ELSPBP1: variants seen among roughly 807,000 people sequenced by gnomAD.
The protein encoded by ELSPBP1 is epididymal sperm binding protein 1, also known as epididymal sperm-binding protein 1.
A neutral mutation model predicts 33.3 loss-of-function variants in ELSPBP1; 38 were observed. The observed-to-expected ratio is 1.14, with a 90% CI of 0.88 to 1.50. The LOEUF is 1.50. Ranked by LOEUF, ELSPBP1 falls within the 40% of genes most tolerant of loss-of-function variation. The probability of loss-of-function intolerance (pLI) is 0.00; values close to 1 mark genes in which losing one functional copy is unlikely to be tolerated. For synonymous variants in ELSPBP1, 85 were observed against 94.1 expected (o/e 0.90, Z 0.56); for missense variants, 267 against 263.5 (o/e 1.01, Z -0.09).
At chr19:48,009,457 G>C (rs1352213046) in intron 2 of ELSPBP1, among the ~76,000 whole-genome samples, 1 of 152,082 alleles carries the variant, frequency 6.6e-6, no homozygotes, top group Non-Finnish European at 1.5e-5. Flanking sequence ...ACCACTAAAA[G>C]ACTGTAAGGT....
chr19:47,998,056 G>A (rs752566757), intron 1 of ELSPBP1, among the ~76,000 whole-genome samples: 2 of 152,164 alleles, frequency 1.3e-5, no homozygotes, highest in Non-Finnish European at 2.9e-5. Flanking sequence ...AGGTTTGCTA[G>A]TGTCACCATC....
intron 3 of ELSPBP1, among the ~76,000 whole-genome samples, chr19:48,015,498 A>G (rs1012158206): frequency 8.5e-5 from 13 of 152,130 alleles, no homozygotes; most frequent in African/African-American, 3.1e-4. Context: ...TCTACTAAAA[A>G]TTAAAAAAAA....
At chr19:48,007,352 T>A (rs1253186347) in intron 1 of ELSPBP1, among the ~76,000 whole-genome samples, 3 of 152,248 alleles carry the variant, frequency 2.0e-5, no homozygotes, top group East Asian at 3.9e-4. Flanking sequence ...GTAAGTTACT[T>A]AACCTCCCAA....
At chr19:48,010,259 CA>C (rs535488805) in intron 2 of ELSPBP1, among the ~76,000 whole-genome samples, 87 of 152,278 alleles carry the variant, frequency 5.7e-4, no homozygotes, top group African/African-American at 2.1e-3. Context: ...ACAGTTTATT[CA>C]GACAAGGAAC....
rs145971035 is a variant in ELSPBP1, at chr19:48,016,034, C to A, written c.350C>A (p.Thr117Lys). The change falls in exon 4 of 7, where the codon ACG becomes AAG. Residue 117 changes from threonine (T) to lysine (K), a missense_variant. Coordinates refer to ENST00000339841, the MANE Select transcript of ELSPBP1 (RefSeq NM_022142.5). ...DEKQQWKFCE[T>K]NEYGGNSLRK... ...AAACAGCAGTGGAAATTCTGTGAAA[C>A]GAATGGTGAGCCCCTGTAGCAGGGA... 1 of 1,613,034 alleles carries A rather than the reference C, an allele frequency of 6.2e-7. No homozygotes were observed. Among genetic ancestry groups the A allele is most frequent in the South Asian group, 1.1e-5 (1 of 90,996 alleles).
chr19:48,015,653 G>A (rs1381508370), intron 3 of ELSPBP1, among the ~76,000 whole-genome samples: 1 of 152,050 alleles, frequency 6.6e-6, no homozygotes, highest in African/African-American at 2.4e-5. Context: ...GTGAGACTCT[G>A]TCTCGAAAAA....
chr19:48,024,811 G>A (rs1967253134), intron 6 of ELSPBP1, 141 bp from the exon 7 acceptor site: 2 of 152,304 alleles, frequency 1.3e-5, no homozygotes, highest in South Asian at 2.1e-4. Flanking sequence ...GGATGTGGGG[G>A]TGGGGGCGTC....
Position 48,022,394 on chromosome 19 carries a change from C to A in ELSPBP1, c.*7+60C>A. The A allele has an allele frequency of 2.1e-6, 3 of 1,445,382 alleles. No homozygotes were observed. The South Asian group carries it at 4.3e-5, about 21-fold the overall frequency. The allele number at this position is 1,445,382 out of a possible 1,614,324, so 89.5% of individuals were successfully genotyped here. On this transcript the variant is annotated intron_variant, in intron 6 of 6. Coordinates refer to ENST00000339841, the MANE Select transcript of ELSPBP1 (RefSeq NM_022142.5). ...ATGCAGAGGTGAGACAGGTGCACAA[C>A]TGGTGTGTCACTGATGCGAAGGCGA...
chr19:48,021,415 T>A (rs1257809988), intron 5 of ELSPBP1, among the ~76,000 whole-genome samples: 1 of 149,546 alleles, frequency 6.7e-6, no homozygotes, highest in Non-Finnish European at 1.5e-5. Context: ...TAGTTTTTTT[T>A]TTTTTTTACT....
At chr19:48,017,285 C>T (rs1967152572) in intron 4 of ELSPBP1, among the ~76,000 whole-genome samples, 1 of 152,022 alleles carries the variant, frequency 6.6e-6, no homozygotes, top group African/African-American at 2.4e-5. Flanking sequence ...CTGTTGTTCC[C>T]TTAGCACTCA....
In ELSPBP1 at chr19:48,011,793, G is replaced by A. The variant is rs2122314311; in HGVS notation, c.71-2378G>A. 6.6e-6 allele frequency among the ~76,000 whole-genome samples: 1 copy of A among 152,244 alleles called. No homozygotes were observed. Among genetic ancestry groups the A allele is most frequent in the South Asian group, 2.1e-4 (1 of 4,822 alleles). ...CAGTGATGGTAATGATGATGATGAT[G>A]ACAATGATAATCATAGCTAATATTT... is the stretch of plus-strand genomic sequence containing the variant. On this transcript the variant is annotated intron_variant, in intron 2 of 6. Transcript: ENST00000339841. The surrounding 1 kb of genome is among the most constrained non-coding windows in gnomAD (Gnocchi z 4.5).
At chr19:48,000,154 C>T (rs1244296712) in intron 1 of ELSPBP1, among the ~76,000 whole-genome samples, 1 of 151,506 alleles carries the variant, frequency 6.6e-6, no homozygotes, top group Non-Finnish European at 1.5e-5. Flanking sequence ...TTGTTGAGCA[C>T]TCAGCATGTG....
rs114841804 is a variant in ELSPBP1 at position 48,013,306 on chromosome 19, G to C, written c.71-865G>C. On this transcript the variant is annotated intron_variant, in intron 2 of 6. Transcript: ENST00000339841. The stretch of plus-strand genomic sequence containing the variant: ...TATGAAACTCTTCCCCAGTGCTCCT[G>C]GCCCCAACATGAACTGGATATGCTC... 5.3e-4 allele frequency among the ~76,000 whole-genome samples: 81 copies of C among 152,266 alleles called. 1 individual carries two copies. The highest frequency in any genetic ancestry group is 1.9e-3 in the African/African-American group (78 of 41,576).
At position 48,011,418 on chromosome 19, in the gene ELSPBP1, TGAG is replaced by T. The variant is rs1411961453; in HGVS notation, c.70+2688_70+2690del. ...AATGATGATGTCAATAATGATGTGA[TGAG>T]GAGGAGAATAATGATCACGATGACA... On this transcript the variant is annotated intron_variant, in intron 2 of 6. Transcript: ENST00000339841. The surrounding 1 kb of genome is among the most constrained non-coding windows in gnomAD (Gnocchi z 4.5). Among the ~76,000 whole-genome samples, 5 of 144,652 alleles carry T rather than the reference TGAG, an allele frequency of 3.5e-5. No homozygotes were observed. Among genetic ancestry groups the T allele is most frequent in the African/African-American group, 5.2e-5 (2 of 38,350 alleles). 94.9% of individuals were successfully genotyped at this position (144,652 alleles called of 152,430 possible). A position where few individuals can be genotyped will look rare whatever the true frequency, so the allele number is the denominator to read the frequency against.
At chr19:48,019,612 T>C (rs3815908) in intron 4 of ELSPBP1, 107 bp from the exon 5 acceptor site, 246,090 of 1,078,690 alleles carry the variant, frequency 0.23, 30,265 homozygotes, top group African/African-American at 0.44. Flanking sequence ...GAATCCAATG[T>C]GACGTTGCCT....
rs573527959 is a variant in ELSPBP1 at position 47,998,335 on chromosome 19, C to G, written c.-18+3524C>G. Among the ~76,000 whole-genome samples the G allele has an allele frequency of 1.1e-4, 17 of 151,678 alleles. No homozygotes were observed. The South Asian group carries it at 1.5e-3, about 13-fold the overall frequency. ...GCTGAGGCAGGAGAATCGCTTGAAC[C>G]GGGGGACAGAGGTTGCAGTGAGCTT... is the stretch of plus-strand genomic sequence containing the variant. On this transcript the variant is annotated intron_variant, in intron 1 of 6. Coordinates refer to ENST00000339841, the MANE Select transcript of ELSPBP1 (RefSeq NM_022142.5).
At chr19:48,017,896 CAAAAAAAAAAAAA>C (rs60130865) in intron 4 of ELSPBP1, among the ~76,000 whole-genome samples, 5 of 66,124 alleles carry the variant, frequency 7.6e-5, no homozygotes, top group Non-Finnish European at 1.1e-4. Flanking sequence ...GATCTTGTCT[CAAAAAAAAAAAAA>C]AAAAAAAAAA....
intron 6 of ELSPBP1, among the ~76,000 whole-genome samples, chr19:48,023,525 A>G (rs1485681865): frequency 6.4e-3 from 232 of 36,014 alleles, no homozygotes; most frequent in African/African-American, 0.012. Flanking sequence ...ATAAGGAAGG[A>G]AGGGAGGAAG....
rs769136306 is a variant in ELSPBP1 at position 48,022,183 on chromosome 19, G to T, written c.528G>T (p.Leu176Phe). Residue 176 changes from leucine to phenylalanine, a missense_variant, in exon 6 of 7, where the codon TTG (leucine) becomes TTT (phenylalanine). Leu to Phe is a conservative substitution (Grantham distance 22). Coordinates refer to ENST00000339841, the MANE Select transcript of ELSPBP1 (RefSeq NM_022142.5). ...SFCADTRISA[L>F]VPGFPCHFPF... ...TCTGCTTCCTAGGAATTTCCGCGTT[G>T]GTCCCTGGCTTTCCTTGTCACTTTC... is the stretch of plus-strand genomic sequence containing the variant. The T allele has an allele frequency of 6.2e-7, 1 of 1,612,278 alleles. No homozygotes were observed. The highest frequency in any genetic ancestry group is 8.5e-7 in the Non-Finnish European group (1 of 1,179,248).
Sources: allele counts gnomAD v4.1 joint callset (sites outside exome capture counted in the v4.1 genomes callset), GRCh38; gene constraint gnomAD v4.1.1; non-coding constraint Gnocchi (gnomAD v3.1); transcripts MANE v1.5; gene names NCBI Gene and HGNC (gene_info 2026-07-23, HGNC 2026-07-21).